Variants in STK32B observed in about 807,000 individuals in gnomAD.
STK32B encodes serine/threonine-protein kinase 32B.
STK32B carries 43 observed loss-of-function variants against 52.6 expected under a neutral mutation model. That is an observed-to-expected ratio of 0.82 (90% confidence interval 0.64 to 1.05). STK32B has a LOEUF of 1.05. STK32B is among the 50% of genes least tolerant of loss of function. The pLI is 0.00. For synonymous variants in STK32B, 238 were observed against 204.3 expected (o/e 1.17, Z -1.41); for missense variants, 621 against 534.6 (o/e 1.16, Z -1.59).
chr4:5,442,620 G>A (rs1410845708), intron 6 of STK32B, among the ~76,000 whole-genome samples: 1 of 151,626 alleles, frequency 6.6e-6, no homozygotes, highest in Non-Finnish European at 1.5e-5. Context: ...AGTTAATATT[G>A]TTATGTGTGA....
chr4:5,314,631 T>C (rs28692649), intron 3 of STK32B, among the ~76,000 whole-genome samples: 11,140 of 152,126 alleles, frequency 0.073, 441 homozygotes, highest in South Asian at 0.099. Context: ...AATCACGCCA[T>C]TGCACTCCAG....
At chr4:5,055,580 C>T (rs114598687) in intron 1 of STK32B, among the ~76,000 whole-genome samples, 1 of 152,162 alleles carries the variant, frequency 6.6e-6, no homozygotes, top group African/African-American at 2.4e-5. Flanking sequence ...GCACAACTTG[C>T]ATCGTTAAGA....
At chr4:5,425,082 G>T (rs1295729894) in intron 6 of STK32B, among the ~76,000 whole-genome samples, 2 of 152,272 alleles carry the variant, frequency 1.3e-5, no homozygotes, top group African/African-American at 2.4e-5. Flanking sequence ...ATGCCTAGCT[G>T]TGTGCAGTGG....
At chr4:5,155,477 A>G (rs1013809432) in intron 2 of STK32B, among the ~76,000 whole-genome samples, 3 of 152,078 alleles carry the variant, frequency 2.0e-5, no homozygotes, top group African/African-American at 7.2e-5. Context: ...ATACCTACCT[A>G]TCATGCAGTT....
chr4:5,323,713 C>G (rs1350124225), intron 3 of STK32B, among the ~76,000 whole-genome samples: 1 of 152,172 alleles, frequency 6.6e-6, no homozygotes, highest in Non-Finnish European at 1.5e-5. Context: ...GCGTTTGTGG[C>G]TTTTTCATTC....
intron 11 of STK32B, among the ~76,000 whole-genome samples, chr4:5,478,251 C>A (rs972203759): frequency 1.3e-5 from 2 of 152,120 alleles, no homozygotes; most frequent in African/African-American, 2.4e-5. Context: ...AAAATCAATC[C>A]CCCATGACTC....
intron 1 of STK32B, among the ~76,000 whole-genome samples, chr4:5,115,017 G>A (rs716674): frequency 0.24 from 36,065 of 152,112 alleles, 5,097 homozygotes; most frequent in East Asian, 0.37. Flanking sequence ...ACATGGGGGA[G>A]GGCCCCTGGA....
intron 6 of STK32B, among the ~76,000 whole-genome samples, chr4:5,422,167 A>G (rs986692932): frequency 3.3e-5 from 5 of 152,166 alleles, no homozygotes; most frequent in African/African-American, 1.2e-4. Flanking sequence ...GACACAGCTG[A>G]TTTTCCTAAT....
At chr4:5,215,637 C>T (rs553026864) in intron 3 of STK32B, among the ~76,000 whole-genome samples, 25 of 152,142 alleles carry the variant, frequency 1.6e-4, no homozygotes, top group East Asian at 5.8e-4. Context: ...TCTGCTGGGA[C>T]GAGATGGGGG....
intron 9 of STK32B, among the ~76,000 whole-genome samples, chr4:5,461,075 GCAT>G (rs1215716751): frequency 6.6e-6 from 1 of 152,154 alleles, no homozygotes; most frequent in Non-Finnish European, 1.5e-5. Context: ...TTGAGCAGTT[GCAT>G]TTCTCCTAGA....
chr4:5,456,072 G>A (rs1022401637), intron 7 of STK32B, among the ~76,000 whole-genome samples: 12 of 152,138 alleles, frequency 7.9e-5, no homozygotes, highest in African/African-American at 2.4e-4. Context: ...AGCGGGGACC[G>A]GGAGTGCACT....
chr4:5,191,683 A>T (rs1577167841), intron 3 of STK32B, among the ~76,000 whole-genome samples: 1 of 152,200 alleles, frequency 6.6e-6, no homozygotes, highest in East Asian at 1.9e-4. Flanking sequence ...CTGAAAGTTG[A>T]CCACCCGCAG....
chr4:5,245,607 C>T (rs554369516), intron 3 of STK32B, among the ~76,000 whole-genome samples: 1 of 152,090 alleles, frequency 6.6e-6, no homozygotes, highest in Non-Finnish European at 1.5e-5. Context: ...GAATTTGATC[C>T]TGTCATTATG....
chr4:5,149,854 A>T (rs1262485325), intron 2 of STK32B, among the ~76,000 whole-genome samples: 1 of 151,972 alleles, frequency 6.6e-6, no homozygotes, highest in Non-Finnish European at 1.5e-5. Context: ...TCTCTCTGGT[A>T]TCATTTCCAT....
At chr4:5,291,846 CCTTT>C (rs1278489384) in intron 3 of STK32B, among the ~76,000 whole-genome samples, 1 of 151,788 alleles carries the variant, frequency 6.6e-6, no homozygotes, top group African/African-American at 2.4e-5. Flanking sequence ...TGAGGAAACG[CCTTT>C]CTGTCTCTTT....
intron 1 of STK32B, among the ~76,000 whole-genome samples, chr4:5,099,358 A>G (rs571105603): frequency 6.6e-5 from 10 of 152,192 alleles, no homozygotes; most frequent in African/African-American, 2.4e-4. Flanking sequence ...TATTCTGCCC[A>G]CCATAGAGAG....
At chr4:5,048,361 C>T (rs1223087156), upstream of STK32B, among the ~76,000 whole-genome samples, 2 of 143,942 alleles carry the variant, frequency 1.4e-5, no homozygotes, top group East Asian at 2.0e-4. Flanking sequence ...AGTGCGATGG[C>T]GCGATCTTGG....
intron 2 of STK32B, among the ~76,000 whole-genome samples, chr4:5,142,719 A>G (rs1239130162): frequency 6.6e-6 from 1 of 152,220 alleles, no homozygotes; most frequent in East Asian, 1.9e-4. Flanking sequence ...ATGACACAGT[A>G]TGTGATGGTT....
At chr4:5,192,244 C>T (rs1721266535) in intron 3 of STK32B, among the ~76,000 whole-genome samples, 1 of 152,184 alleles carries the variant, frequency 6.6e-6, no homozygotes, top group Non-Finnish European at 1.5e-5. Context: ...GGATTTGAGA[C>T]ATTCCTCGTG....
Sources: allele counts gnomAD v4.1 joint callset (sites outside exome capture counted in the v4.1 genomes callset), GRCh38; gene constraint gnomAD v4.1.1; transcripts MANE v1.5; gene names NCBI Gene and HGNC (gene_info 2026-07-23, HGNC 2026-07-21).